VPS13C: variants seen among roughly 807,000 people sequenced by gnomAD.
VPS13C encodes vacuolar protein sorting 13 homolog C.
A neutral mutation model predicts 456.8 loss-of-function variants in VPS13C; 358 were observed. The observed-to-expected ratio is 0.78, with a 90% CI of 0.72 to 0.86. VPS13C has a LOEUF of 0.86. Among genes scored for constraint, VPS13C ranks in the 40% least tolerant of loss-of-function variants. The pLI, the probability that VPS13C is intolerant of heterozygous loss-of-function variation, is 0.00. For missense variants in VPS13C, 4,818 were observed against 4,385.4 expected, an observed-to-expected ratio of 1.10 and a Z score of -2.79; for synonymous variants, 1,578 against 1,486.7, an observed-to-expected ratio of 1.06 and a Z score of -1.41.
Position 61,996,998 on chromosome 15 carries a change from C to CATATATATATATAT in VPS13C, c.1353+3552_1353+3565dup, listed in dbSNP as rs35381809. Among the ~76,000 whole-genome samples the CATATATATATATAT allele has an allele frequency of 4.8e-3, 701 of 145,552 alleles. 7 individuals are homozygous for CATATATATATATAT. The highest frequency in any genetic ancestry group is 0.017 in the African/African-American group (637 of 38,300). On this transcript the variant is annotated intron_variant, in intron 16 of 84. Transcript: ENST00000644861. ...CTTGCCTATATATTTTACATACATA[C>CATATATATATATAT]ATATATATATATATGTATAGAATAT...
chr15:61,981,894 AAAG>A (rs1414570959), intron 21 of VPS13C, among the ~76,000 whole-genome samples: 2 of 152,142 alleles, frequency 1.3e-5, no homozygotes, highest in South Asian at 2.1e-4. Flanking sequence ...AATAAAAAAA[AAAG>A]AAAAGTATTA....
intron 6 of VPS13C, among the ~76,000 whole-genome samples, chr15:62,027,339 G>C (rs1330925178): frequency 1.3e-5 from 2 of 152,066 alleles, no homozygotes; most frequent in African/African-American, 4.8e-5. Flanking sequence ...CAGTAAGCTG[G>C]TTTGATTATA....
chr15:61,868,809 G>C, intron 80 of VPS13C, 36 bp from the exon 81 acceptor site: 1 of 1,502,260 alleles, frequency 6.7e-7, no homozygotes, highest in Non-Finnish European at 9.1e-7. Context: ...AAGAAAATAC[G>C]TGAGAGTCTT....
chr15:61,989,259 G>C (rs532257591), intron 18 of VPS13C, among the ~76,000 whole-genome samples: 3 of 151,862 alleles, frequency 2.0e-5, no homozygotes, highest in South Asian at 4.2e-4. Context: ...AATTAGCTGG[G>C]CATGGTGGCA....
intron 28 of VPS13C, among the ~76,000 whole-genome samples, chr15:61,968,736 A>C (rs2045456374): frequency 6.6e-6 from 1 of 152,166 alleles, no homozygotes; most frequent in South Asian, 2.1e-4. Flanking sequence ...TGAAAGAACT[A>C]ACTTTACATC....
chr15:61,974,394 G>A lies in VPS13C; in HGVS notation c.2432C>T (p.Pro811Leu), dbSNP rs1416744571. 8 of 1,612,276 alleles carry A rather than the reference G, an allele frequency of 5.0e-6. No individual in the cohort carries two copies. The highest frequency in any genetic ancestry group is 5.9e-6 in the Non-Finnish European group (7 of 1,178,838). ...GTCAGAAATTCTCACATGCATCAAA[G>A]GAAGTCCTCCTGACACTTTAAATCT... ...MARFKVSGGL[P>L]LMHVRISDQK... is the part of the protein sequence containing the mutation. The change falls in exon 25 of 85, where the codon CCT becomes CTT. Residue 811 changes from proline to leucine, a missense_variant. This residue lies in a region of VPS13C where 4,552 missense variants were observed against 4,130.6 expected (regional missense o/e 1.10). Coordinates refer to ENST00000644861, the MANE Select transcript of VPS13C (RefSeq NM_020821.3).
chr15:61,986,783 T>C (rs541570518), intron 18 of VPS13C, among the ~76,000 whole-genome samples: 165 of 152,132 alleles, frequency 1.1e-3, no homozygotes, highest in Admixed American at 1.8e-3. Context: ...ACCGTAAGAC[T>C]AACAGCTGAA....
At position 61,950,368 on chromosome 15, in the gene VPS13C, T is replaced by C. The variant is rs2044745538; in HGVS notation, c.4586A>G (p.Gln1529Arg). Residue 1529 changes from glutamine (Q) to arginine (R), a missense_variant, in exon 41 of 85, where the codon CAG becomes CGG. Gln to Arg is a conservative substitution (Grantham distance 43). Transcript: ENST00000644861. Reference protein sequence around the residue: ...EFKTIHDSTKQRLKVSFASLD... With the variant: ...EFKTIHDSTKRRLKVSFASLD... ...TTATAAAAGTTTTACCTTCAGTCTC[T>C]GTTTGGTACTGTCATGAATAGTTTT... 2 of 1,611,954 alleles carry C rather than the reference T, an allele frequency of 1.2e-6. No individual in the cohort carries two copies. The highest frequency in any genetic ancestry group is 1.7e-6 in the Non-Finnish European group (2 of 1,178,474).
At chr15:61,940,166 T>C (rs141212593) in intron 47 of VPS13C, among the ~76,000 whole-genome samples, 170 of 152,234 alleles carry the variant, frequency 1.1e-3, no homozygotes, top group Middle Eastern at 6.8e-3. Context: ...ATCACCTTTC[T>C]AATTAAAACG....
chr15:61,919,254 C>T (rs747589743), intron 58 of VPS13C, 35 bp downstream of exon 58: 3 of 1,561,130 alleles, frequency 1.9e-6, no homozygotes, highest in Non-Finnish European at 2.6e-6. Context: ...TTTCTTGGTA[C>T]ACTGAAAGGG....
intron 22 of VPS13C, 41 bp downstream of exon 22, chr15:61,981,301 A>T: frequency 6.5e-7 from 1 of 1,542,912 alleles, no homozygotes; most frequent in Non-Finnish European, 8.7e-7. Context: ...GCTAGCAAGC[A>T]GGTCAAAGAT....
Position 61,990,523 on chromosome 15 carries a change from G to T in VPS13C, c.1578+477C>A, listed in dbSNP as rs539239862. 7.2e-5 allele frequency among the ~76,000 whole-genome samples: 11 copies of T among 152,184 alleles called. No homozygotes were observed. In the South Asian group the frequency reaches 8.3e-4, roughly 11 times the overall value. ...TTCACTAAAACTACTTAAATCTAAA[G>T]TTGGAGGCTGGGCACGGTGGCTCAC... is the stretch of plus-strand genomic sequence containing the variant. On this transcript the variant is annotated intron_variant, in intron 18 of 84. Transcript: ENST00000644861.
At chr15:61,883,023 ATTCT>A (rs1895988237) in intron 68 of VPS13C, among the ~76,000 whole-genome samples, 4 of 151,888 alleles carry the variant, frequency 2.6e-5, no homozygotes, top group South Asian at 4.2e-4. Flanking sequence ...GTTCCAGATA[ATTCT>A]TTCTTTCCTT....
intron 41 of VPS13C, 133 bp from the exon 42 acceptor site, chr15:61,949,738 C>G (rs1203500827): frequency 1.3e-6 from 1 of 755,778 alleles, no homozygotes; most frequent in Admixed American, 3.7e-5. Flanking sequence ...TTTAAGAACT[C>G]ACTATTAACT....
intron 45 of VPS13C, among the ~76,000 whole-genome samples, chr15:61,944,627 A>C (rs2044544183): frequency 6.6e-6 from 1 of 152,122 alleles, no homozygotes; most frequent in African/African-American, 2.4e-5. Context: ...GACACTGCGG[A>C]CTACTACAGA....
At chr15:61,893,010 C>A (rs1256392719) in intron 66 of VPS13C, among the ~76,000 whole-genome samples, 1 of 152,038 alleles carries the variant, frequency 6.6e-6, no homozygotes, top group Non-Finnish European at 1.5e-5. Flanking sequence ...AAGAGCAAAT[C>A]TAAGAGTCAC....
intron 12 of VPS13C, among the ~76,000 whole-genome samples, chr15:62,011,518 G>A (rs1302933830): frequency 1.3e-5 from 2 of 151,890 alleles, no homozygotes; most frequent in Non-Finnish European, 2.9e-5. Flanking sequence ...AACAACGTGA[G>A]TATGAAAGCT....
intron 9 of VPS13C, among the ~76,000 whole-genome samples, chr15:62,014,696 T>C (rs2140525245): frequency 6.6e-6 from 1 of 152,248 alleles, no homozygotes. Flanking sequence ...AAGCTTTACA[T>C]AAACTATCTC....
In VPS13C at chr15:61,886,369, T is replaced by C. The variant is rs114313761; in HGVS notation, c.9342-2100A>G. 2.0e-3 allele frequency among the ~76,000 whole-genome samples: 310 copies of C among 152,258 alleles called. 3 individuals are homozygous for C. Among genetic ancestry groups the C allele is most frequent in the African/African-American group, 7.2e-3 (299 of 41,558 alleles). On this transcript the variant is annotated intron_variant, in intron 67 of 84. Coordinates refer to ENST00000644861, the MANE Select transcript of VPS13C (RefSeq NM_020821.3). ...TTGCATTACTTCAGCAGAGCTGTAG[T>C]TCCATAACATAATAAAATGATGCTT... is the stretch of plus-strand genomic sequence containing the variant.
Sources: allele counts gnomAD v4.1 joint callset (sites outside exome capture counted in the v4.1 genomes callset), GRCh38; gene constraint gnomAD v4.1.1; regional missense constraint gnomAD v4.1.1; transcripts MANE v1.5; gene names NCBI Gene and HGNC (gene_info 2026-07-23, HGNC 2026-07-21).